DNAJC1: variants seen among roughly 807,000 people sequenced by gnomAD.
DNAJC1 encodes DnaJ heat shock protein family (Hsp40) member C1.
In DNAJC1, 58 loss-of-function variants were observed where a neutral mutation model predicts 76.6. The observed-to-expected ratio is 0.76, with a 90% CI of 0.61 to 0.94. The LOEUF is 0.94. Ranked by LOEUF, DNAJC1 falls within the 40% of genes least tolerant of loss-of-function variation. The probability of loss-of-function intolerance (pLI) is 0.00; values close to 1 mark genes in which losing one functional copy is unlikely to be tolerated. For synonymous variants in DNAJC1, 258 were observed against 267.9 expected (o/e 0.96, Z 0.36); for missense variants, 689 against 677.3 (o/e 1.02, Z -0.19).
intron 1 of DNAJC1, among the ~76,000 whole-genome samples, chr10:21,983,707 C>T (rs931876412): frequency 8.0e-6 from 1 of 125,634 alleles, no homozygotes; most frequent in African/African-American, 3.2e-5. Flanking sequence ...GGCAACAGAG[C>T]GAGATTCTGT....
intron 1 of DNAJC1, among the ~76,000 whole-genome samples, chr10:21,993,915 TAAAA>T (rs943867460): frequency 6.6e-6 from 1 of 152,088 alleles, no homozygotes; most frequent in Non-Finnish European, 1.5e-5. Context: ...AAACTTTTTT[TAAAA>T]AAATTGCTAC....
At chr10:21,805,600 A>G (rs975870989) in intron 9 of DNAJC1, among the ~76,000 whole-genome samples, 2 of 152,162 alleles carry the variant, frequency 1.3e-5, no homozygotes, top group African/African-American at 4.8e-5. Context: ...CTGTCTAAAT[A>G]GCAATCGCAA....
chr10:21,985,730 C>T, intron 1 of DNAJC1, among the ~76,000 whole-genome samples: 1 of 152,178 alleles, frequency 6.6e-6, no homozygotes, highest in East Asian at 1.9e-4. Context: ...TAGCATTGCA[C>T]TGAATGGATA....
At chr10:21,897,366 A>G (rs1357000512) in intron 7 of DNAJC1, among the ~76,000 whole-genome samples, 1 of 151,998 alleles carries the variant, frequency 6.6e-6, no homozygotes, top group Non-Finnish European at 1.5e-5. Context: ...TTGATAGAGG[A>G]AAAAAAACAC....
intron 8 of DNAJC1, among the ~76,000 whole-genome samples, chr10:21,873,839 T>C (rs2131712206): frequency 6.6e-6 from 1 of 152,350 alleles, no homozygotes; most frequent in Admixed American, 6.5e-5. Context: ...AAAGATTTAA[T>C]CTGTGACAAT....
At chr10:21,918,691 G>T in intron 6 of DNAJC1, 88 bp downstream of exon 6, 2 of 916,916 alleles carry the variant, frequency 2.2e-6, no homozygotes, top group Non-Finnish European at 3.5e-6. Flanking sequence ...CTGCATATCA[G>T]CATTCAGAGA....
intron 1 of DNAJC1, among the ~76,000 whole-genome samples, chr10:21,997,214 T>G (rs908961892): frequency 6.6e-6 from 1 of 152,188 alleles, no homozygotes; most frequent in Non-Finnish European, 1.5e-5. Context: ...TAAAAAGGAC[T>G]GTGATGGGCT....
intron 8 of DNAJC1, among the ~76,000 whole-genome samples, chr10:21,851,451 A>G (rs1454380320): frequency 6.6e-6 from 1 of 152,248 alleles, no homozygotes; most frequent in Non-Finnish European, 1.5e-5. Flanking sequence ...TAGGGTGGCT[A>G]TAACAATCAC....
intron 9 of DNAJC1, chr10:21,803,706 T>A (rs974765046): frequency 2.2e-6 from 1 of 458,420 alleles, no homozygotes; most frequent in Non-Finnish European, 2.9e-6. Context: ...GCCATGGAGA[T>A]GATGCTTACA....
intron 10 of DNAJC1, among the ~76,000 whole-genome samples, chr10:21,762,253 T>C (rs1440511197): frequency 6.6e-6 from 1 of 152,216 alleles, no homozygotes; most frequent in Non-Finnish European, 1.5e-5. Flanking sequence ...GCAATTCTAA[T>C]ATATGTATAT....
intron 1 of DNAJC1, among the ~76,000 whole-genome samples, chr10:21,978,512 G>A (rs1175565329): frequency 4.6e-5 from 7 of 152,092 alleles, no homozygotes; most frequent in Non-Finnish European, 1.0e-4. Context: ...GCACACACAG[G>A]CCTAGTATTT....
chr10:21,883,295 C>CACACACACACACACACACA (rs1554893891), intron 7 of DNAJC1, among the ~76,000 whole-genome samples: 5 of 149,848 alleles, frequency 3.3e-5, no homozygotes, highest in Non-Finnish European at 5.9e-5. Flanking sequence ...CACACACACA[C>CACACACACACACACACACA]CATTTTAACT....
chr10:21,909,098 G>A (rs1052327907), intron 6 of DNAJC1, among the ~76,000 whole-genome samples: 4 of 152,176 alleles, frequency 2.6e-5, no homozygotes, highest in African/African-American at 9.7e-5. Context: ...ATGTTGGCCA[G>A]GCTGGTCTTG....
intron 1 of DNAJC1, among the ~76,000 whole-genome samples, chr10:21,965,801 T>C (rs1489777618): frequency 6.6e-6 from 1 of 152,324 alleles, no homozygotes; most frequent in Non-Finnish European, 1.5e-5. Flanking sequence ...TCTGTTTATG[T>C]AGTAGCTGTA....
At chr10:21,951,735 G>A (rs72797490) in intron 1 of DNAJC1, among the ~76,000 whole-genome samples, 1,594 of 152,160 alleles carry the variant, frequency 0.01, 12 homozygotes, top group Non-Finnish European at 0.015. Context: ...TATTTGTAGT[G>A]GCATAATAGT....
At chr10:21,950,755 C>T (rs572841602) in intron 1 of DNAJC1, among the ~76,000 whole-genome samples, 2 of 152,244 alleles carry the variant, frequency 1.3e-5, no homozygotes, top group Admixed American at 6.5e-5. Context: ...AATGCTCATA[C>T]GGAGAAAGTG....
intron 8 of DNAJC1, among the ~76,000 whole-genome samples, chr10:21,837,509 G>A (rs1368909531): frequency 7.3e-5 from 11 of 150,204 alleles, no homozygotes; most frequent in Admixed American, 1.3e-4. Flanking sequence ...TGTGGGGAGC[G>A]CCTCTGCCCC....
chr10:21,968,615 A>C (rs1037489503), intron 1 of DNAJC1, among the ~76,000 whole-genome samples: 1 of 150,578 alleles, frequency 6.6e-6, no homozygotes, highest in African/African-American at 2.5e-5. Flanking sequence ...GGTTCACGCC[A>C]TTCTCCTGCC....
chr10:21,968,245 C>G (rs1837922064), intron 1 of DNAJC1, among the ~76,000 whole-genome samples: 1 of 152,126 alleles, frequency 6.6e-6, no homozygotes, highest in African/African-American at 2.4e-5. Context: ...AAGTACACTG[C>G]TATAAAGCCT....
Sources: gnomAD v4.1 joint callset for allele counts (sites outside exome capture counted in the v4.1 genomes callset) on GRCh38, gnomAD v4.1.1 for gene constraint, MANE v1.5 for transcripts, NCBI Gene and HGNC (gene_info 2026-07-23, HGNC 2026-07-21) for gene names.